Variants in KCNQ3 observed in about 807,000 individuals in gnomAD.
KCNQ3 encodes the protein potassium voltage-gated channel subfamily KQT member 3.
In KCNQ3, 30 loss-of-function variants were observed where a neutral mutation model predicts 92.5. The ratio of observed to expected loss-of-function variants is 0.32; its 90% CI spans 0.24 to 0.44. The LOEUF (loss-of-function observed/expected upper bound fraction) is 0.44. Among genes scored for constraint, KCNQ3 ranks in the 20% least tolerant of loss-of-function variants. The pLI is 1.00. For missense variants in KCNQ3, 913 were observed against 1,140.3 expected (o/e 0.80, Z 2.87); for synonymous variants, 450 against 468.8 (o/e 0.96, Z 0.52).
chr8:132,289,216 G>A (rs1475614960), intron 1 of KCNQ3, among the ~76,000 whole-genome samples: 1 of 152,194 alleles, frequency 6.6e-6, no homozygotes, highest in Non-Finnish European at 1.5e-5. Context: ...ATAGAAAGAA[G>A]CTTTGAGCAT....
chr8:132,293,657 G>A (rs894061674), intron 1 of KCNQ3, among the ~76,000 whole-genome samples: 16 of 152,158 alleles, frequency 1.1e-4, no homozygotes, highest in Admixed American at 8.5e-4. Flanking sequence ...TCAGACTATA[G>A]GGGAGGCAGG....
chr8:132,413,749 C>T (rs1263880705), intron 1 of KCNQ3, among the ~76,000 whole-genome samples: 2 of 152,214 alleles, frequency 1.3e-5, no homozygotes, highest in Non-Finnish European at 2.9e-5. Context: ...ACATATGGCA[C>T]AGGCAGCAGA....
intron 1 of KCNQ3, among the ~76,000 whole-genome samples, chr8:132,421,145 A>T (rs1045388561): frequency 5.3e-5 from 8 of 152,226 alleles, no homozygotes; most frequent in African/African-American, 1.9e-4. Flanking sequence ...TTCTGGTTAG[A>T]TAAGTGTATG....
chr8:132,400,424 C>T (rs1052368787), intron 1 of KCNQ3, among the ~76,000 whole-genome samples: 2 of 152,190 alleles, frequency 1.3e-5, no homozygotes, highest in African/African-American at 4.8e-5. Flanking sequence ...GACATTTGAT[C>T]AACTTTGAAC....
At chr8:132,254,108 A>T (rs960826938) in intron 1 of KCNQ3, among the ~76,000 whole-genome samples, 1 of 152,122 alleles carries the variant, frequency 6.6e-6, no homozygotes, top group African/African-American at 2.4e-5. Context: ...AAAAATTCAG[A>T]CTCTCAGGAC....
intron 1 of KCNQ3, among the ~76,000 whole-genome samples, chr8:132,268,559 G>C (rs1301088437): frequency 1.3e-5 from 2 of 152,174 alleles, no homozygotes; most frequent in African/African-American, 4.8e-5. Flanking sequence ...GCGCCGGCCA[G>C]CTCATTTCTT....
At chr8:132,237,686 T>C (rs1461536740) in intron 1 of KCNQ3, among the ~76,000 whole-genome samples, 1 of 152,190 alleles carries the variant, frequency 6.6e-6, no homozygotes, top group African/African-American at 2.4e-5. Flanking sequence ...TAAGGCTGGA[T>C]GAAAGGTGTG....
intron 1 of KCNQ3, among the ~76,000 whole-genome samples, chr8:132,203,045 G>A (rs1827510271): frequency 6.6e-6 from 1 of 152,170 alleles, no homozygotes; most frequent in Non-Finnish European, 1.5e-5. Flanking sequence ...CCTCCTGTGA[G>A]GGTCTTTTTG....
intron 1 of KCNQ3, among the ~76,000 whole-genome samples, chr8:132,245,791 T>C (rs879161034): frequency 6.6e-6 from 1 of 152,226 alleles, no homozygotes; most frequent in Admixed American, 6.5e-5. Context: ...CTTCTCAACA[T>C]ATATGCTGCT....
intron 1 of KCNQ3, among the ~76,000 whole-genome samples, chr8:132,302,577 G>A (rs1405290922): frequency 6.6e-6 from 1 of 152,184 alleles, no homozygotes; most frequent in Non-Finnish European, 1.5e-5. Flanking sequence ...TGGTCCGGCT[G>A]GACAACATAA....
intron 1 of KCNQ3, chr8:132,447,298 G>A (rs1419431910): frequency 3.4e-6 from 5 of 1,479,138 alleles, no homozygotes; most frequent in Non-Finnish European, 4.6e-6. Context: ...CTAAAGCAGG[G>A]CAGAATGGGC....
intron 1 of KCNQ3, among the ~76,000 whole-genome samples, chr8:132,434,847 G>C (rs1186030394): frequency 2.6e-5 from 4 of 152,188 alleles, no homozygotes; most frequent in African/African-American, 9.7e-5. Flanking sequence ...ACAACAGAAG[G>C]CCTCAGAAAG....
intron 1 of KCNQ3, among the ~76,000 whole-genome samples, chr8:132,328,137 G>C (rs1818114055): frequency 6.6e-6 from 1 of 152,120 alleles, no homozygotes. Flanking sequence ...ATGGCTTGGA[G>C]GAGGAGCCCA....
intron 9 of KCNQ3, among the ~76,000 whole-genome samples, chr8:132,152,878 A>G (rs1266598104): frequency 6.6e-6 from 1 of 152,248 alleles, no homozygotes; most frequent in East Asian, 1.9e-4. Flanking sequence ...TAAAAGGCCT[A>G]TGTAGACATA....
At chr8:132,399,136 C>T (rs1182337721) in intron 1 of KCNQ3, among the ~76,000 whole-genome samples, 1 of 152,178 alleles carries the variant, frequency 6.6e-6, no homozygotes, top group African/African-American at 2.4e-5. Flanking sequence ...CAAATTTATT[C>T]AGAAGACAGG....
intron 1 of KCNQ3, among the ~76,000 whole-genome samples, chr8:132,339,017 C>T (rs1437165397): frequency 6.6e-6 from 1 of 152,176 alleles, no homozygotes; most frequent in Non-Finnish European, 1.5e-5. Context: ...TGCATGCATA[C>T]TGAAAACTTC....
rs183235081 is a variant in KCNQ3, at chr8:132,439,507, T to C, written c.386+40640A>G. Among the ~76,000 whole-genome samples the C allele has an allele frequency of 2.5e-3, 376 of 152,258 alleles. 6 individuals carry two copies. Among genetic ancestry groups the C allele is most frequent in the Admixed American group, 0.022 (330 of 15,288 alleles). On this transcript the variant is annotated intron_variant, in intron 1 of 14. Transcript: ENST00000388996. ...AGAATCTGTGCTATGCTAGGTTACA[T>C]GGCAAAGGGGAGTCAAGGTTGCTGA...
At chr8:132,398,656 G>A (rs891382661) in intron 1 of KCNQ3, among the ~76,000 whole-genome samples, 1 of 152,164 alleles carries the variant, frequency 6.6e-6, no homozygotes, top group African/African-American at 2.4e-5. Context: ...TTAAGTGGCT[G>A]GAAACAGAAA....
intron 9 of KCNQ3, among the ~76,000 whole-genome samples, chr8:132,156,277 T>G (rs546642121): frequency 6.6e-6 from 1 of 151,832 alleles, no homozygotes; most frequent in African/African-American, 2.4e-5. Context: ...GCCCATGTGG[T>G]CAGCATTATT....
Sources: gnomAD v4.1 joint callset for allele counts (sites outside exome capture counted in the v4.1 genomes callset) on GRCh38, gnomAD v4.1.1 for gene constraint, MANE v1.5 for transcripts, NCBI Gene and HGNC (gene_info 2026-07-23, HGNC 2026-07-21) for gene names.